NOTCH1: variants seen among roughly 807,000 people sequenced by gnomAD.
The protein encoded by NOTCH1 is notch receptor 1.
In NOTCH1, 37 loss-of-function variants were observed where a neutral mutation model predicts 254.8. The observed-to-expected ratio is 0.15, with a 90% CI of 0.11 to 0.19. The LOEUF (loss-of-function observed/expected upper bound fraction) is 0.19. Ranked by LOEUF, NOTCH1 falls within the 10% of genes least tolerant of loss-of-function variation. NOTCH1 has a pLI of 1.00. For synonymous variants in NOTCH1, 1,731 were observed against 1,618.1 expected, an observed-to-expected ratio of 1.07 and a Z score of -1.68; for missense variants, 2,972 against 3,708.6, an observed-to-expected ratio of 0.80 and a Z score of 5.16.
At position 136,518,652 on chromosome 9, in the gene NOTCH1, G is replaced by A. The variant is rs376951155; in HGVS notation, c.1038C>T (p.His346=). The change falls in exon 6 of 34, where the codon CAC becomes CAT. Residue 346 remains histidine, a synonymous_variant. Coordinates refer to ENST00000651671, the MANE Select transcript of NOTCH1 (RefSeq NM_017617.5). ...CCACACGGTCATGGCAGGTGGCGCC[G>A]TGGAAGCAGGCGGCGCTGGCACAGT... ...IDDCASAACF[H]GATCHDRVAS... 106 of 1,611,750 alleles carry A rather than the reference G, an allele frequency of 6.6e-5. No homozygotes were observed. In the African/African-American group the frequency reaches 1.1e-3, roughly 17 times the overall value.
intron 2 of NOTCH1, among the ~76,000 whole-genome samples, chr9:136,537,421 G>T (rs1234127083): frequency 2.0e-5 from 3 of 152,222 alleles, no homozygotes; most frequent in African/African-American, 4.8e-5. Flanking sequence ...CGAATTCAGA[G>T]GCAGAAAGCG....
chr9:136,524,928 G>A (rs746461762), intron 2 of NOTCH1, among the ~76,000 whole-genome samples: 33 of 152,132 alleles, frequency 2.2e-4, no homozygotes, highest in Non-Finnish European at 3.8e-4. Context: ...AAGCCACCGC[G>A]CCCGGCCAGG....
chr9:136,522,836 G>A lies in NOTCH1; in HGVS notation c.742+14C>T, dbSNP rs1589071803. ...GGGAGGGGCTCGTGCACCCCGGCCA[G>A]CGGGCAGCACTACCTGGCAGGCAGG... On this transcript the variant is annotated intron_variant, in intron 4 of 33. Coordinates refer to ENST00000651671, the MANE Select transcript of NOTCH1 (RefSeq NM_017617.5). The A allele has an allele frequency of 2.0e-6, 3 of 1,469,060 alleles. No individual in the cohort carries two copies. The highest frequency in any genetic ancestry group is 2.7e-6 in the Non-Finnish European group (3 of 1,110,396). 91.0% of individuals were successfully genotyped at this position (1,469,060 alleles called of 1,614,324 possible). A position where few individuals can be genotyped will look rare whatever the true frequency, so the allele number is the denominator to read the frequency against.
At chr9:136,542,670 G>A (rs542847147) in intron 2 of NOTCH1, among the ~76,000 whole-genome samples, 1 of 145,618 alleles carries the variant, frequency 6.9e-6, no homozygotes, top group African/African-American at 2.5e-5. Flanking sequence ...GGTGGGGGCC[G>A]GGGAGGGAGG....
chr9:136,520,424 CT>C (rs1012609344), intron 4 of NOTCH1, among the ~76,000 whole-genome samples: 1 of 152,132 alleles, frequency 6.6e-6, no homozygotes, highest in African/African-American at 2.4e-5. Flanking sequence ...TGCAAATCAG[CT>C]TGGGGAGCAC....
intron 2 of NOTCH1, among the ~76,000 whole-genome samples, chr9:136,537,945 T>G (rs899227511): frequency 3.3e-5 from 5 of 152,034 alleles, no homozygotes; most frequent in Admixed American, 6.6e-5. Context: ...ATACAAAAAT[T>G]AGCTGGGAGT....
intron 2 of NOTCH1, among the ~76,000 whole-genome samples, chr9:136,531,433 G>T (rs988713867): frequency 1.3e-5 from 2 of 152,196 alleles, no homozygotes; most frequent in African/African-American, 4.8e-5. Flanking sequence ...GGAGGAAGGC[G>T]CGTGTCCCCC....
At chr9:136,529,325 A>G (rs1456254046) in intron 2 of NOTCH1, among the ~76,000 whole-genome samples, 1 of 152,252 alleles carries the variant, frequency 6.6e-6, no homozygotes, top group Admixed American at 6.5e-5. Flanking sequence ...GCCCAGCTCT[A>G]GCCCGGACCA....
rs377269443 is a variant in NOTCH1 at position 136,544,007 on chromosome 9, G to A, written c.140+17C>T. 143 of 1,562,404 alleles carry A rather than the reference G, an allele frequency of 9.2e-5. No homozygotes were observed. The African/African-American group carries it at 1.7e-3, about 19-fold the overall frequency. On this transcript the variant is annotated intron_variant, in intron 2 of 33. Transcript: ENST00000651671. ...TGCCCTCGACAAAGCAACAGGTCCC[G>A]CAGGGGTGGTACTCACACGCAGGCC...
rs1843145285 is a variant in NOTCH1 at position 136,509,602 on chromosome 9, G to A, written c.2969+131C>T. On this transcript the variant is annotated intron_variant, in intron 18 of 33. Coordinates refer to ENST00000651671, the MANE Select transcript of NOTCH1 (RefSeq NM_017617.5). ...AGGTCGGTACAATGAACAATGTCTG[G>A]ACTCAATGCAGCCAGCGCTAAGTGC... is the stretch of plus-strand genomic sequence containing the variant. The A allele has an allele frequency of 7.7e-6, 6 of 784,272 alleles. No homozygotes were observed. In the East Asian group the frequency reaches 1.3e-4, roughly 17 times the overall value. 48.6% of individuals were successfully genotyped at this position (784,272 alleles called of 1,614,324 possible). A position where few individuals can be genotyped will look rare whatever the true frequency, so the allele number is the denominator to read the frequency against.
chr9:136,522,567 C>G lies in NOTCH1; in HGVS notation c.742+283G>C, dbSNP rs1429400409. On this transcript the variant is annotated intron_variant, in intron 4 of 33. Coordinates refer to ENST00000651671, the MANE Select transcript of NOTCH1 (RefSeq NM_017617.5). ...GGTTGCGCAAGTCAGGGTGCCTGCA[C>G]TGGGGGGAGGCAGGGCGTCCTACAG... 71 of 477,492 alleles carry G rather than the reference C, an allele frequency of 1.5e-4. 2 individuals are homozygous for G. In the East Asian group the frequency reaches 2.4e-3, roughly 16 times the overall value. The allele number at this position is 477,492 out of a possible 1,614,324, so 29.6% of individuals were successfully genotyped here. A position where few individuals can be genotyped will look rare whatever the true frequency, so the allele number is the denominator to read the frequency against.
rs2133379323 is a variant in NOTCH1, at chr9:136,523,837, C to T, written c.283G>A (p.Gly95Arg). 2 of 1,611,912 alleles carry T rather than the reference C, an allele frequency of 1.2e-6. No homozygotes were observed. Among genetic ancestry groups the T allele is most frequent in the Non-Finnish European group, 1.7e-6 (2 of 1,179,654 alleles). Residue 95 changes from glycine (G) to arginine (R), a missense_variant, in exon 3 of 34, where the codon GGG (glycine) becomes AGG (arginine). By Grantham distance (125) the Gly-to-Arg change is moderately radical. Coordinates refer to ENST00000651671, the MANE Select transcript of NOTCH1 (RefSeq NM_017617.5). ...TCCAGGGGTGTCAGGCAGAGGGGCC[C>T]AGAGAAGCCCAGGGCACAGCTGCAG... is the stretch of plus-strand genomic sequence containing the variant. Reference protein sequence around the residue: ...YACSCALGFSGPLCLTPLDNA... With the variant: ...YACSCALGFSRPLCLTPLDNA...
Position 136,495,637 on chromosome 9 carries a change from C to T in NOTCH1, c.*434G>A, listed in dbSNP as rs1842903744. 2.5e-6 allele frequency: 1 copy of T among 403,350 alleles called. No individual in the cohort carries two copies. Among genetic ancestry groups the T allele is most frequent in the Admixed American group, 4.3e-5 (1 of 23,396 alleles). The allele number at this position is 403,350 out of a possible 1,614,324, so 25.0% of individuals were successfully genotyped here. On this transcript the variant is annotated 3_prime_UTR_variant, in exon 34 of 34. Coordinates refer to ENST00000651671, the MANE Select transcript of NOTCH1 (RefSeq NM_017617.5). ...GGGGAAAGGGCGCGGCCTGGACGCC[C>T]CAGGAGCTTTTTGGACTATGCTCGT...
At position 136,501,897 on chromosome 9, in the gene NOTCH1, A is replaced by G. The variant is rs1843002532; in HGVS notation, c.5489T>C (p.Val1830Ala). 1 of 1,611,880 alleles carries G rather than the reference A, an allele frequency of 6.2e-7. No individual in the cohort carries two copies. Among genetic ancestry groups the G allele is most frequent in the Non-Finnish European group, 8.5e-7 (1 of 1,179,962 alleles). Residue 1830 changes from valine to alanine, a missense_variant, in exon 30 of 34, where the codon GTT (valine) becomes GCT (alanine). Transcript: ENST00000651671. ...TGTCTGGTCGTCCAGGTCAGGCAGA[A>G]CCACGGGCTCCTCGAACTACATAGA... ...TKKFRFEEPV[V>A]LPDLDDQTDH...
intron 15 of NOTCH1, among the ~76,000 whole-genome samples, chr9:136,512,047 G>T (rs77596271): frequency 6.6e-6 from 1 of 152,214 alleles, no homozygotes; most frequent in Non-Finnish European, 1.5e-5. Flanking sequence ...ACGGTGACCC[G>T]GGCAGGCAGG....
chr9:136,520,145 C>G (rs1227011070), intron 4 of NOTCH1, among the ~76,000 whole-genome samples: 1 of 152,222 alleles, frequency 6.6e-6, no homozygotes, highest in East Asian at 1.9e-4. Flanking sequence ...CCCACCCAGG[C>G]CTCCAAGGCA....
In NOTCH1 at chr9:136,496,172, A is replaced by G. The variant is rs2133314120; in HGVS notation, c.7567T>C (p.Ser2523Pro). 1 of 1,610,450 alleles carries G rather than the reference A, an allele frequency of 6.2e-7. No individual in the cohort carries two copies. Among genetic ancestry groups the G allele is most frequent in the Non-Finnish European group, 8.5e-7 (1 of 1,179,550 alleles). The part of the protein sequence containing the change: ...SPESPDQWSS[S>P]SPHSNVSDWS... ...TCGGAGACGTTGGAATGCGGGGACG[A>G]GCTGGACCACTGGTCAGGGGACTCA... Residue 2523 changes from serine (S) to proline (P), a missense_variant, in exon 34 of 34, where the codon TCG becomes CCG. Around this residue, in one of 8 missense-constraint regions of NOTCH1, gnomAD observed 85 missense variants for 126.1 expected, o/e 0.67. Coordinates refer to ENST00000651671, the MANE Select transcript of NOTCH1 (RefSeq NM_017617.5).
rs768695849 is a variant in NOTCH1, at chr9:136,496,711, T to A, written c.7028A>T (p.Gln2343Leu). The A allele has an allele frequency of 1.4e-5, 22 of 1,612,720 alleles. No individual in the cohort carries two copies. Among genetic ancestry groups the A allele is most frequent in the Non-Finnish European group, 1.9e-5 (22 of 1,179,986 alleles). ...GPLSTQAPSL[Q>L]HGMVGPLHSS... is the part of the protein sequence containing the mutation. ...GTGCAGCGGGCCTACCATGCCATGC[T>A]GCAGGGAGGGGGCCTGTGTGCTCAG... The change falls in exon 34 of 34, where the codon CAG becomes CTG. Residue 2343 changes from glutamine (Q) to leucine (L), a missense_variant. This residue lies in a region of NOTCH1 where 529 missense variants were observed against 529.2 expected (regional missense o/e 1.00). Coordinates refer to ENST00000651671, the MANE Select transcript of NOTCH1 (RefSeq NM_017617.5).
At chr9:136,521,507 C>A (rs1179768636) in intron 4 of NOTCH1, among the ~76,000 whole-genome samples, 1 of 152,154 alleles carries the variant, frequency 6.6e-6, no homozygotes, top group Admixed American at 6.5e-5. Context: ...ACACAGGTGG[C>A]CTTGGACAAG....
Sources: gnomAD v4.1 joint callset for allele counts (sites outside exome capture counted in the v4.1 genomes callset) on GRCh38, gnomAD v4.1.1 for gene constraint, gnomAD v4.1.1 regional missense constraint, MANE v1.5 for transcripts, NCBI Gene and HGNC (gene_info 2026-07-23, HGNC 2026-07-21) for gene names.